MTMR14: variants seen among roughly 807,000 people sequenced by gnomAD.
MTMR14 encodes phosphatidylinositol-3,5-bisphosphate 3-phosphatase MTMR14.
Under a neutral mutation model 86.3 loss-of-function variants are expected in MTMR14, and 48 were observed. The observed-to-expected ratio is 0.56, with a 90% CI of 0.44 to 0.71. The LOEUF (loss-of-function observed/expected upper bound fraction) is 0.71. Ranked by LOEUF, MTMR14 falls within the 30% of genes least tolerant of loss-of-function variation. The probability of loss-of-function intolerance (pLI) is 0.00; values close to 1 mark genes in which losing one functional copy is unlikely to be tolerated. For synonymous variants in MTMR14, 366 were observed against 326.1 expected (o/e 1.12, Z -1.32); for missense variants, 780 against 834.6 (o/e 0.93, Z 0.81).
At chr3:9,679,592 AGATGCAGG>A (rs2075693240) in intron 9 of MTMR14, among the ~76,000 whole-genome samples, 1 of 152,154 alleles carries the variant, frequency 6.6e-6, no homozygotes, top group Non-Finnish European at 1.5e-5. Context: ...TCTGCTTAGT[AGATGCAGG>A]CCCTAGATCT....
intron 9 of MTMR14, among the ~76,000 whole-genome samples, chr3:9,680,429 A>G (rs1261054593): frequency 1.3e-5 from 2 of 152,090 alleles, no homozygotes; most frequent in Non-Finnish European, 2.9e-5. Flanking sequence ...CATCACTGTC[A>G]CCCCTGCCTT....
intron 17 of MTMR14, among the ~76,000 whole-genome samples, chr3:9,697,183 T>C (rs2076306182): frequency 6.6e-6 from 1 of 152,012 alleles, no homozygotes; most frequent in Admixed American, 6.5e-5. Context: ...ACCTCAGGGC[T>C]CCCATTCCAT....
In MTMR14 at chr3:9,683,216, G is replaced by A. The variant is rs760700868; in HGVS notation, c.936G>A (p.Lys312=). The change falls in exon 10 of 19, where the codon AAG becomes AAA. Residue 312 remains lysine (K), a synonymous_variant. Transcript: ENST00000296003. Reference sequence around the variant, plus strand: ...TGCAACAAACACAAAACTACCTGAAGCTGCTGCTTTCCTTAGTTAACAGTG... The same window carrying A: ...TGCAACAAACACAAAACTACCTGAAACTGCTGCTTTCCTTAGTTAACAGTG... ...DLVQQTQNYL[K]LLLSLVNSDD... 2.5e-6 allele frequency: 4 copies of A among 1,614,082 alleles called. No individual in the cohort carries two copies. The highest frequency in any genetic ancestry group is 1.7e-5 in the Admixed American group (1 of 60,002).
chr3:9,651,674 C>CT (rs142442362), intron 1 of MTMR14, among the ~76,000 whole-genome samples: 148 of 151,372 alleles, frequency 9.8e-4, no homozygotes, highest in African/African-American at 8.2e-4. Context: ...TTCTTGCAAA[C>CT]TTTTTTTTTC....
intron 17 of MTMR14, among the ~76,000 whole-genome samples, chr3:9,693,433 T>G (rs764217437): frequency 2.1e-4 from 32 of 152,206 alleles, no homozygotes; most frequent in Admixed American, 3.9e-4. Context: ...TAACTCTGAC[T>G]CCCCAAAAGC....
intron 9 of MTMR14, among the ~76,000 whole-genome samples, chr3:9,680,670 C>G (rs1358247607): frequency 6.6e-6 from 1 of 152,162 alleles, no homozygotes; most frequent in Non-Finnish European, 1.5e-5. Context: ...ACAGTGAAAC[C>G]CAATCTCTAC....
chr3:9,688,887 G>A (rs1300205223), intron 15 of MTMR14, 57 bp from the exon 16 acceptor site: 3 of 1,611,900 alleles, frequency 1.9e-6, no homozygotes, highest in African/African-American at 1.3e-5. Context: ...TAGAAAAGGT[G>A]GGGGACCAGT....
chr3:9,674,127 C>G (rs1195061128), intron 7 of MTMR14, among the ~76,000 whole-genome samples: 1 of 152,154 alleles, frequency 6.6e-6, no homozygotes, highest in Non-Finnish European at 1.5e-5. Flanking sequence ...ACAGACTGAA[C>G]TCTGCAGGTT....
Position 9,671,102 on chromosome 3 carries a change from T to A in MTMR14, c.609T>A (p.Leu203=). ...DKVRGYDIKL[L]RYLSVKYICD... is the part of the protein sequence containing the mutation. ...TCAGAGGCTATGACATCAAGCTGCT[T>A]CGATACCTGTCAGTCAAATACATCT... The change falls in exon 6 of 19, where the codon CTT becomes CTA. Residue 203 remains leucine, a synonymous_variant. Transcript: ENST00000296003. The A allele has an allele frequency of 6.2e-7, 1 of 1,614,150 alleles. No homozygotes were observed. Among genetic ancestry groups the A allele is most frequent in the African/African-American group, 1.3e-5 (1 of 75,026 alleles).
intron 13 of MTMR14, among the ~76,000 whole-genome samples, chr3:9,687,432 G>A (rs1346559952): frequency 3.9e-5 from 6 of 152,070 alleles, no homozygotes; most frequent in Non-Finnish European, 8.8e-5. Context: ...GCGGGCACCT[G>A]TAGTCCCAGC....
At chr3:9,685,339 T>TGCC in intron 13 of MTMR14, 92 bp downstream of exon 13, 4 of 1,484,384 alleles carry the variant, frequency 2.7e-6, no homozygotes, top group Non-Finnish European at 3.8e-6. Context: ...TAGGGGCAGC[T>TGCC]CCTTGCCCCA....
chr3:9,661,807 A>T (rs930449152), intron 2 of MTMR14, among the ~76,000 whole-genome samples: 12 of 151,976 alleles, frequency 7.9e-5, no homozygotes, highest in African/African-American at 2.7e-4. Flanking sequence ...TTTTCCTGAA[A>T]AACTTAATAT....
intron 6 of MTMR14, 52 bp from the exon 7 acceptor site, chr3:9,672,630 TGTG>T: frequency 7.2e-7 from 1 of 1,389,010 alleles, no homozygotes; most frequent in South Asian, 1.2e-5. Context: ...TGGGGAATGG[TGTG>T]TGTTTGTGTG....
At chr3:9,650,465 A>G (rs6790534) in intron 1 of MTMR14, 3 of 441,772 alleles carry the variant, frequency 6.8e-6, no homozygotes, top group African/African-American at 6.1e-5. Context: ...TTTAGCACCA[A>G]GTTTTCCAGT....
At chr3:9,664,215 A>G (rs1409421083) in intron 3 of MTMR14, among the ~76,000 whole-genome samples, 1 of 150,630 alleles carries the variant, frequency 6.6e-6, no homozygotes, top group African/African-American at 2.5e-5. Flanking sequence ...GAAAAGCATT[A>G]TCTGTCAAAT....
At chr3:9,656,725 C>G (rs2047629429) in intron 2 of MTMR14, among the ~76,000 whole-genome samples, 1 of 151,834 alleles carries the variant, frequency 6.6e-6, no homozygotes, top group Admixed American at 6.6e-5. Flanking sequence ...GCTGGGTAAA[C>G]TTAGTTTCCG....
chr3:9,666,572 G>A (rs1200800484), intron 3 of MTMR14, among the ~76,000 whole-genome samples: 1 of 152,140 alleles, frequency 6.6e-6, no homozygotes. Context: ...GGATATGATG[G>A]GTTAAGTAAA....
At chr3:9,683,926 T>C (rs984919403) in intron 10 of MTMR14, among the ~76,000 whole-genome samples, 3 of 152,206 alleles carry the variant, frequency 2.0e-5, no homozygotes, top group Admixed American at 6.5e-5. Context: ...GGAGACTACC[T>C]CAGTCTCTGG....
chr3:9,663,472 CTT>C (rs1349590465), intron 3 of MTMR14, among the ~76,000 whole-genome samples: 3 of 84,008 alleles, frequency 3.6e-5, no homozygotes, highest in Non-Finnish European at 5.3e-5. Context: ...GTTATTGCAA[CTT>C]TTTTTTTTTT....
Sources: gnomAD v4.1 joint callset for allele counts (sites outside exome capture counted in the v4.1 genomes callset) on GRCh38, gnomAD v4.1.1 for gene constraint, MANE v1.5 for transcripts, NCBI Gene and HGNC (gene_info 2026-07-23, HGNC 2026-07-21) for gene names.